SPTBN4: variants seen among roughly 807,000 people sequenced by gnomAD.
The protein encoded by SPTBN4 is spectrin beta chain, non-erythrocytic 4.
SPTBN4 carries 96 observed loss-of-function variants against 277.8 expected under a neutral mutation model. That is an observed-to-expected ratio of 0.35 (90% confidence interval 0.29 to 0.41). The LOEUF is 0.41. SPTBN4 is among the 10% of genes least tolerant of loss of function. SPTBN4 has a pLI of 1.00. For missense variants in SPTBN4, 3,006 were observed against 3,595.7 expected (o/e 0.84, Z 4.19); for synonymous variants, 1,481 against 1,580.3 (o/e 0.94, Z 1.49).
intron 20 of SPTBN4, among the ~76,000 whole-genome samples, chr19:40,535,018 C>T (rs951339381): frequency 6.6e-6 from 1 of 152,074 alleles, no homozygotes; most frequent in Admixed American, 6.5e-5. Context: ...ATGGCTCCTG[C>T]CTTTGATTTT....
intron 6 of SPTBN4, among the ~76,000 whole-genome samples, chr19:40,495,227 T>C (rs965837974): frequency 6.6e-6 from 1 of 152,102 alleles, no homozygotes; most frequent in African/African-American, 2.4e-5. Context: ...ACATGAGCCC[T>C]CGCACAGATG....
At chr19:40,503,459 G>A (rs1205254946) in intron 11 of SPTBN4, among the ~76,000 whole-genome samples, 3 of 151,844 alleles carry the variant, frequency 2.0e-5, no homozygotes, top group Non-Finnish European at 1.5e-5. Context: ...GGGCAACAGG[G>A]GAGGGTGGGT....
At chr19:40,526,241 C>G (rs1428569740) in intron 17 of SPTBN4, among the ~76,000 whole-genome samples, 1 of 143,102 alleles carries the variant, frequency 7.0e-6, no homozygotes, top group Non-Finnish European at 1.5e-5. Flanking sequence ...GGCGCGATCT[C>G]GCCTCACTGC....
intron 13 of SPTBN4, among the ~76,000 whole-genome samples, chr19:40,509,985 G>C (rs753084275): frequency 6.6e-6 from 1 of 152,062 alleles, no homozygotes; most frequent in Non-Finnish European, 1.5e-5. Context: ...CTTTGCCCTC[G>C]CCTTGTGAAT....
At chr19:40,574,971 A>T (rs1007105181) in intron 35 of SPTBN4, among the ~76,000 whole-genome samples, 1 of 149,028 alleles carries the variant, frequency 6.7e-6, no homozygotes, top group African/African-American at 2.5e-5. Flanking sequence ...GCTGACATCG[A>T]GCCATTGCAC....
chr19:40,568,314 G>C (rs1363392801), intron 31 of SPTBN4, 32 bp downstream of exon 31: 2 of 1,567,110 alleles, frequency 1.3e-6, no homozygotes, highest in Non-Finnish European at 1.7e-6. Flanking sequence ...CAGAAAGTGA[G>C]GGGAGGGGAA....
intron 1 of SPTBN4, among the ~76,000 whole-genome samples, chr19:40,471,637 A>G (rs749636433): frequency 8.5e-5 from 13 of 152,192 alleles, no homozygotes; most frequent in Non-Finnish European, 1.6e-4. Flanking sequence ...CAGTGTCACT[A>G]TTATAGATCA....
rs561327793 is a variant in SPTBN4 at position 40,510,720 on chromosome 19, T to C, written c.1817-1886T>C. ...TCCACATAGGGCAGTGTCTCACTTT[T>C]ATGATCCAGTAAGAAATACACAGCC... On this transcript the variant is annotated intron_variant, in intron 13 of 35. Coordinates refer to ENST00000598249, the MANE Select transcript of SPTBN4 (RefSeq NM_020971.3). 4.6e-5 allele frequency among the ~76,000 whole-genome samples: 7 copies of C among 152,348 alleles called. No homozygotes were observed. The South Asian group carries it at 1.4e-3, about 32-fold the overall frequency.
chr19:40,488,977 AAAAT>A (rs1599722686), intron 3 of SPTBN4, among the ~76,000 whole-genome samples: 3 of 151,920 alleles, frequency 2.0e-5, no homozygotes, highest in Admixed American at 6.6e-5. Context: ...CCCTGTCTCA[AAAAT>A]AAATAAATAA....
Position 40,560,400 on chromosome 19 carries a change from C to T in SPTBN4, c.5912C>T (p.Pro1971Leu), listed in dbSNP as rs2081030299. 2 of 1,614,084 alleles carry T rather than the reference C, an allele frequency of 1.2e-6. No homozygotes were observed. The highest frequency in any genetic ancestry group is 1.6e-4 in the Middle Eastern group (1 of 6,062). Residue 1971 changes from proline (P) to leucine (L), a missense_variant, in exon 27 of 36, where the codon CCC becomes CTC. Physicochemically the swap from Pro to Leu is moderately conservative, Grantham distance 98. Transcript: ENST00000598249. This position sits in a 1 kb window ranked among gnomAD's most constrained non-coding sequence, Gnocchi z 5.2. ...AGCCAGATTGGGGCAGCCGACAAGC[C>T]CAGGTGCCCCTCATCCCTCCTCGGG... ...IASQIGAADK[P>L]RDVSSVEVLM...
In SPTBN4 at chr19:40,502,209, C is replaced by A. The variant is rs751434791; in HGVS notation, c.979C>A (p.Arg327Ser). ...GGCTGAGCTGCTGGCCTGGATCCACCGCACCGTGGGCCTCATCAGCAATCA... is the reference window on the plus strand; with the variant it reads ...GGCTGAGCTGCTGGCCTGGATCCACAGCACCGTGGGCCTCATCAGCAATCA... ...LAAELLAWIH[R>S]TVGLISNQKF... The change falls in exon 9 of 36, where the codon CGC (arginine) becomes AGC (serine). Residue 327 changes from arginine to serine, a missense_variant. Physicochemically the swap from Arg to Ser is moderately radical, Grantham distance 110. This residue lies in a region of SPTBN4 where 1,759 missense variants were observed against 2,061.5 expected (regional missense o/e 0.85). Coordinates refer to ENST00000598249, the MANE Select transcript of SPTBN4 (RefSeq NM_020971.3). The surrounding 1 kb of genome is among the most constrained non-coding windows in gnomAD (Gnocchi z 4.9). 3 of 1,614,032 alleles carry A rather than the reference C, an allele frequency of 1.9e-6. No homozygotes were observed. The highest frequency in any genetic ancestry group is 1.7e-5 in the Admixed American group (1 of 60,014).
At chr19:40,528,941 C>A in intron 17 of SPTBN4, 100 bp from the exon 18 acceptor site, 1 of 856,592 alleles carries the variant, frequency 1.2e-6, no homozygotes, top group Non-Finnish European at 1.9e-6. Flanking sequence ...TTTTCCACGC[C>A]CTTCTTCCCC....
intron 7 of SPTBN4, among the ~76,000 whole-genome samples, chr19:40,501,537 G>A (rs902223648): frequency 6.6e-6 from 1 of 152,088 alleles, no homozygotes; most frequent in Admixed American, 6.6e-5. Context: ...GCATGGTGGT[G>A]CATGCCCATA....
chr19:40,494,699 CCTGT>C (rs1416073298), intron 5 of SPTBN4, among the ~76,000 whole-genome samples, 194 bp from the exon 6 acceptor site: 1 of 151,912 alleles, frequency 6.6e-6, no homozygotes, highest in Non-Finnish European at 1.5e-5. Flanking sequence ...CCATCTATCA[CCTGT>C]CTATCATCTA....
intron 1 of SPTBN4, among the ~76,000 whole-genome samples, chr19:40,471,305 T>G (rs1196561900): frequency 6.6e-6 from 1 of 152,160 alleles, no homozygotes; most frequent in Non-Finnish European, 1.5e-5. Flanking sequence ...GAAAAATAGA[T>G]CAACTCCTCT....
At chr19:40,500,404 T>C (rs1280842843) in intron 7 of SPTBN4, among the ~76,000 whole-genome samples, 2 of 152,238 alleles carry the variant, frequency 1.3e-5, no homozygotes, top group Non-Finnish European at 2.9e-5. Context: ...TCCAAGTGCA[T>C]GCTGCCTCCA....
At chr19:40,492,826 C>A (rs1456651221) in intron 4 of SPTBN4, 137 bp from the exon 5 acceptor site, 7 of 659,768 alleles carry the variant, frequency 1.1e-5, no homozygotes, top group Non-Finnish European at 1.9e-5. Flanking sequence ...CACTCCTGGA[C>A]CCCCACCCCC....
At chr19:40,546,225 CAAAA>C (rs557010488) in intron 20 of SPTBN4, among the ~76,000 whole-genome samples, 7 of 69,282 alleles carry the variant, frequency 1.0e-4, no homozygotes, top group Non-Finnish European at 1.4e-4. Flanking sequence ...AACTCCATCT[CAAAA>C]AAAAAAAAAA....
chr19:40,523,334 G>C (rs146219311), intron 16 of SPTBN4, 103 bp from the exon 17 acceptor site: 3 of 1,138,916 alleles, frequency 2.6e-6, no homozygotes, highest in Non-Finnish European at 3.7e-6. Context: ...AATGTTCTAT[G>C]CTTGCAAGGT....
Sources: allele counts gnomAD v4.1 joint callset (sites outside exome capture counted in the v4.1 genomes callset), GRCh38; gene constraint gnomAD v4.1.1; regional missense constraint gnomAD v4.1.1; non-coding constraint Gnocchi (gnomAD v3.1); transcripts MANE v1.5; gene names NCBI Gene and HGNC (gene_info 2026-07-23, HGNC 2026-07-21).